STIMATE: variants seen among roughly 807,000 people sequenced by gnomAD.
STIMATE encodes STIM activating enhancer, also known as store-operated calcium entry regulator STIMATE.
Under a neutral mutation model 36.7 loss-of-function variants are expected in STIMATE, and 15 were observed. The ratio of observed to expected loss-of-function variants is 0.41; its 90% CI spans 0.27 to 0.63. STIMATE has a LOEUF of 0.63. Among genes scored for constraint, STIMATE ranks in the 20% least tolerant of loss-of-function variants. The pLI, the probability that STIMATE is intolerant of heterozygous loss-of-function variation, is 0.32. For missense variants in STIMATE, 305 were observed against 397.3 expected (o/e 0.77, Z 1.98); for synonymous variants, 163 against 162.3 (o/e 1.00, Z -0.03).
intron 1 of STIMATE, among the ~76,000 whole-genome samples, chr3:52,864,958 T>C (rs915999033): frequency 6.6e-6 from 1 of 151,980 alleles, no homozygotes; most frequent in Non-Finnish European, 1.5e-5. Flanking sequence ...TTTTCTTTTT[T>C]TTTTTTGAGA....
intron 1 of STIMATE, among the ~76,000 whole-genome samples, chr3:52,855,966 G>A (rs779561876): frequency 1.3e-5 from 2 of 152,196 alleles, no homozygotes; most frequent in Non-Finnish European, 2.9e-5. Context: ...ATGGCACAAG[G>A]GAAGGATGGC....
intron 1 of STIMATE, among the ~76,000 whole-genome samples, chr3:52,857,294 C>A (rs1701121079): frequency 6.6e-6 from 1 of 152,158 alleles, no homozygotes; most frequent in African/African-American, 2.4e-5. Context: ...CATCACAGAT[C>A]CCAAACCTCA....
rs1010171066 is a variant in STIMATE at position 52,840,289 on chromosome 3, C to A, written c.*205G>T. 104 of 533,620 alleles carry A rather than the reference C, an allele frequency of 1.9e-4. No homozygotes were observed. Among genetic ancestry groups the A allele is most frequent in the African/African-American group, 1.9e-3 (98 of 52,338 alleles). 33.1% of individuals were successfully genotyped at this position (533,620 alleles called of 1,614,324 possible). A position where few individuals can be genotyped will look rare whatever the true frequency, so the allele number is the denominator to read the frequency against. On this transcript the variant is annotated 3_prime_UTR_variant, in exon 8 of 8. Transcript: ENST00000355083. ...AGTGCAACTGAATGGGGACCTCCAG[C>A]CGCCAGTGGCCCCCTCGGGCGCTGG...
intron 1 of STIMATE, among the ~76,000 whole-genome samples, chr3:52,871,128 T>G (rs1274430120): frequency 6.6e-6 from 1 of 152,156 alleles, no homozygotes; most frequent in Non-Finnish European, 1.5e-5. Flanking sequence ...TAGTGACTCG[T>G]GATAGTTTCA....
intron 1 of STIMATE, among the ~76,000 whole-genome samples, chr3:52,893,894 T>A (rs1343238419): frequency 1.3e-5 from 2 of 152,164 alleles, no homozygotes; most frequent in Non-Finnish European, 2.9e-5. Context: ...CATTCACATG[T>A]CCTGAGAGCA....
At chr3:52,883,112 G>A (rs1483308680) in intron 1 of STIMATE, among the ~76,000 whole-genome samples, 1 of 152,192 alleles carries the variant, frequency 6.6e-6, no homozygotes, top group Non-Finnish European at 1.5e-5. Context: ...GAGTTGGAAT[G>A]GTCATTACCA....
chr3:52,842,383 T>C (rs889943831), intron 7 of STIMATE, among the ~76,000 whole-genome samples: 1 of 152,244 alleles, frequency 6.6e-6, no homozygotes, highest in Non-Finnish European at 1.5e-5. Flanking sequence ...GCTACCCCTA[T>C]ATTTTAGAAG....
intron 1 of STIMATE, among the ~76,000 whole-genome samples, chr3:52,877,817 C>T (rs571615163): frequency 2.6e-5 from 4 of 152,262 alleles, no homozygotes; most frequent in South Asian, 2.1e-4. Flanking sequence ...AATCACTGGC[C>T]GGGTGTGGTG....
intron 1 of STIMATE, among the ~76,000 whole-genome samples, chr3:52,866,971 G>T (rs1701323895): frequency 6.6e-6 from 1 of 152,234 alleles, no homozygotes; most frequent in Non-Finnish European, 1.5e-5. Context: ...CTCCTGTCAG[G>T]TGCAGGGAAA....
At chr3:52,887,882 T>C (rs779934777) in intron 1 of STIMATE, among the ~76,000 whole-genome samples, 11 of 152,122 alleles carry the variant, frequency 7.2e-5, no homozygotes, top group Non-Finnish European at 1.5e-4. Context: ...TTTAGAATAT[T>C]AGTAAATGAT....
intron 1 of STIMATE, among the ~76,000 whole-genome samples, chr3:52,897,090 G>C (rs541636023): frequency 6.6e-6 from 1 of 152,178 alleles, no homozygotes; most frequent in Non-Finnish European, 1.5e-5. Flanking sequence ...GAAAGGGGAA[G>C]GGTCACTCCT....
In STIMATE at chr3:52,840,499, C is replaced by A. The variant is rs549819429; in HGVS notation, c.880G>T (p.Val294Leu). The A allele has an allele frequency of 6.2e-7, 1 of 1,613,494 alleles. No individual in the cohort carries two copies. ...KKKKHRFGLP[V>L] is the part of the protein sequence containing the mutation. Reference sequence around the variant, plus strand: ...ACCCCCAGCATGGGAATGTGTCATACGGGTAGCCCAAAGCGGTGCTTCTTT... The same window carrying A: ...ACCCCCAGCATGGGAATGTGTCATAAGGGTAGCCCAAAGCGGTGCTTCTTT... Residue 294 changes from valine to leucine, a missense_variant, in exon 8 of 8, where the codon GTA (valine) becomes TTA (leucine). Around this residue, in one of 3 missense-constraint regions of STIMATE, gnomAD observed 84 missense variants for 82.4 expected, o/e 1.02. Transcript: ENST00000355083.
At chr3:52,868,813 T>C (rs560556814) in intron 1 of STIMATE, among the ~76,000 whole-genome samples, 6 of 152,098 alleles carry the variant, frequency 3.9e-5, no homozygotes, top group African/African-American at 1.4e-4. Flanking sequence ...GTAGACAAGG[T>C]TTTACCGTGT....
intron 1 of STIMATE, among the ~76,000 whole-genome samples, chr3:52,861,816 G>A (rs1373637419): frequency 6.6e-6 from 1 of 152,114 alleles, no homozygotes; most frequent in Non-Finnish European, 1.5e-5. Flanking sequence ...TGGCCATCCA[G>A]GCAGCAAAGG....
At chr3:52,856,725 A>G (rs1559492183) in intron 1 of STIMATE, among the ~76,000 whole-genome samples, 1 of 152,180 alleles carries the variant, frequency 6.6e-6, no homozygotes, top group Non-Finnish European at 1.5e-5. Context: ...CTGTTAATTG[A>G]GCAGACAGTG....
At chr3:52,863,713 C>T (rs778791774) in intron 1 of STIMATE, among the ~76,000 whole-genome samples, 6 of 152,140 alleles carry the variant, frequency 3.9e-5, no homozygotes, top group Non-Finnish European at 8.8e-5. Context: ...CAAAAGCAAG[C>T]TAGTTACTTC....
intron 3 of STIMATE, among the ~76,000 whole-genome samples, chr3:52,851,086 T>C (rs1010443721): frequency 1.8e-4 from 28 of 151,828 alleles, no homozygotes; most frequent in Non-Finnish European, 8.8e-5. Flanking sequence ...ACTGGGGGAG[T>C]GAGAGGAGGA....
chr3:52,894,745 A>G (rs1701835671), intron 1 of STIMATE, among the ~76,000 whole-genome samples: 1 of 152,228 alleles, frequency 6.6e-6, no homozygotes, highest in Non-Finnish European at 1.5e-5. Context: ...GTCCAACAGG[A>G]AACAATAGTG....
At chr3:52,884,140 C>T (rs1320626540) in intron 1 of STIMATE, among the ~76,000 whole-genome samples, 1 of 151,910 alleles carries the variant, frequency 6.6e-6, no homozygotes, top group African/African-American at 2.4e-5. Flanking sequence ...ACTTACATAA[C>T]AAAAATGCAC....
Sources: allele counts gnomAD v4.1 joint callset (sites outside exome capture counted in the v4.1 genomes callset), GRCh38; gene constraint gnomAD v4.1.1; regional missense constraint gnomAD v4.1.1; transcripts MANE v1.5; gene names NCBI Gene and HGNC (gene_info 2026-07-23, HGNC 2026-07-21).